Variants in EHHADH observed in about 807,000 individuals in gnomAD.
The protein encoded by EHHADH is enoyl-CoA hydratase and 3-hydroxyacyl CoA dehydrogenase.
Under a neutral mutation model 64.4 loss-of-function variants are expected in EHHADH, and 48 were observed. The observed-to-expected ratio is 0.75, with a 90% CI of 0.59 to 0.95. The LOEUF (loss-of-function observed/expected upper bound fraction) is 0.95. Ranked by LOEUF, EHHADH falls within the 40% of genes least tolerant of loss-of-function variation. The pLI is 0.00. For synonymous variants in EHHADH, 308 were observed against 326.7 expected (o/e 0.94, Z 0.62); for missense variants, 854 against 876.6 (o/e 0.97, Z 0.33).
At chr3:185,193,568 A>G in intron 6 of EHHADH, 81 bp from the exon 7 acceptor site, 1 of 1,471,544 alleles carries the variant, frequency 6.8e-7, no homozygotes, top group African/African-American at 1.4e-5. Context: ...TGGAAGGCTT[A>G]TGTGACAATG....
At chr3:185,251,788 G>A (rs1009309716) in intron 1 of EHHADH, among the ~76,000 whole-genome samples, 1 of 151,978 alleles carries the variant, frequency 6.6e-6, no homozygotes, top group Admixed American at 6.5e-5. Context: ...GGAACTCCTA[G>A]GATGTCCATT....
chr3:185,213,236 A>G (rs1180465522), intron 5 of EHHADH, among the ~76,000 whole-genome samples: 2 of 151,828 alleles, frequency 1.3e-5, no homozygotes, highest in Non-Finnish European at 2.9e-5. Context: ...CTGTATATCA[A>G]TGGTTCTCAA....
At chr3:185,243,823 C>T (rs141389728) in intron 2 of EHHADH, among the ~76,000 whole-genome samples, 44 of 152,206 alleles carry the variant, frequency 2.9e-4, no homozygotes, top group African/African-American at 7.5e-4. Context: ...GTGTATTTTG[C>T]GGTTATTGCA....
intron 5 of EHHADH, among the ~76,000 whole-genome samples, chr3:185,215,022 C>G (rs1380165550): frequency 6.6e-6 from 1 of 152,112 alleles, no homozygotes; most frequent in Non-Finnish European, 1.5e-5. Flanking sequence ...TACAAGCATT[C>G]TAATGAGAGC....
chr3:185,248,511 A>C lies in EHHADH; in HGVS notation c.81T>G (p.Thr27=). ...GTCCTTCTTTTATGTCACGGAGTAAAGTCGTACTAAAAGAAAACAAAATAC... is the reference window on the plus strand; with the variant it reads ...GTCCTTCTTTTATGTCACGGAGTAACGTCGTACTAAAAGAAAACAAAATAC... ...RNPPVNAIST[T]LLRDIKEGLQ... Residue 27 remains threonine (T), a synonymous_variant, in exon 2 of 7, where the codon ACT becomes ACG. Coordinates refer to ENST00000231887, the MANE Select transcript of EHHADH (RefSeq NM_001966.4). 6.2e-7 allele frequency: 1 copy of C among 1,606,342 alleles called. No individual in the cohort carries two copies. The highest frequency in any genetic ancestry group is 8.5e-7 in the Non-Finnish European group (1 of 1,175,006).
intron 3 of EHHADH, among the ~76,000 whole-genome samples, chr3:185,233,678 G>A (rs993179070): frequency 5.3e-5 from 8 of 152,046 alleles, no homozygotes; most frequent in East Asian, 1.9e-4. Context: ...ATGGAGACCC[G>A]CTCTGTCACC....
Position 185,192,184 on chromosome 3 carries a change from T to A in EHHADH, c.*42A>T, listed in dbSNP as rs1717888156. 6.4e-7 allele frequency: 1 copy of A among 1,564,370 alleles called. No individual in the cohort carries two copies. The highest frequency in any genetic ancestry group is 1.4e-5 in the African/African-American group (1 of 72,912). On this transcript the variant is annotated 3_prime_UTR_variant, in exon 7 of 7. Coordinates refer to ENST00000231887, the MANE Select transcript of EHHADH (RefSeq NM_001966.4). ...TAATTTCACTGAAATTCAGTCAGCA[T>A]TACCTGATGCTAGCATGTGAGGCAT...
In EHHADH at chr3:185,235,315, C is replaced by T. The variant is rs1246090775; in HGVS notation, c.326G>A (p.Cys109Tyr). 1 of 1,613,214 alleles carries T rather than the reference C, an allele frequency of 6.2e-7. No homozygotes were observed. The highest frequency in any genetic ancestry group is 1.1e-5 in the South Asian group (1 of 90,952). ...FGGGLELALG[C>Y]HYRIAHAEAQ... ...CTCTGCGTGGGCAATCCTATAGTGA[C>T]AGCCCAGGGCCAGCTCTAGTCCCCC... Residue 109 changes from cysteine (C) to tyrosine (Y), a missense_variant, in exon 3 of 7, where the codon TGT becomes TAT. By Grantham distance (194) the Cys-to-Tyr change is radical (BLOSUM62 -2). Transcript: ENST00000231887.
At chr3:185,207,270 A>G (rs1478466144) in intron 5 of EHHADH, among the ~76,000 whole-genome samples, 5 of 151,264 alleles carry the variant, frequency 3.3e-5, no homozygotes, top group Non-Finnish European at 7.4e-5. Flanking sequence ...CCTGGGTGAC[A>G]GAGTGAGACC....
At position 185,210,212 on chromosome 3, in the gene EHHADH, T is replaced by A. The variant is rs115467092; in HGVS notation, c.569-5455A>T. Among the ~76,000 whole-genome samples the A allele has an allele frequency of 5.3e-3, 805 of 152,310 alleles. 10 individuals are homozygous for A. Among genetic ancestry groups the A allele is most frequent in the African/African-American group, 0.019 (775 of 41,572 alleles). On this transcript the variant is annotated intron_variant, in intron 5 of 6. Transcript: ENST00000231887. ...TGTGATACTACCTCTGTTCCCAGCA[T>A]TCCTGGGGGTGCTTCTCAACATCAT...
chr3:185,214,861 T>G (rs924209726), intron 5 of EHHADH, among the ~76,000 whole-genome samples: 6 of 152,210 alleles, frequency 3.9e-5, no homozygotes, highest in Admixed American at 3.3e-4. Context: ...TCTAAAAGCT[T>G]TAGTGAGTAT....
rs577273804 is a variant in EHHADH at position 185,206,975 on chromosome 3, A to T, written c.569-2218T>A. Among the ~76,000 whole-genome samples the T allele has an allele frequency of 6.9e-4, 105 of 151,652 alleles. 1 individual carries two copies. Among genetic ancestry groups the T allele is most frequent in the African/African-American group, 2.4e-3 (100 of 41,490 alleles). On this transcript the variant is annotated intron_variant, in intron 5 of 6. Transcript: ENST00000231887. ...ATGTATAACCTCACATGGTAAAGAGATGTATAGGTGAGAGTAAGATTAAAG... is the reference window on the plus strand; with the variant it reads ...ATGTATAACCTCACATGGTAAAGAGTTGTATAGGTGAGAGTAAGATTAAAG...
In EHHADH at chr3:185,216,427, T is replaced by C. The variant is rs182651549; in HGVS notation, c.568+1709A>G. ...TCATTTCGGGACCTCCAAATGCAAA[T>C]AGCCTTTGCTGTGTGTCTGTCAAGT... On this transcript the variant is annotated intron_variant, in intron 5 of 6. Coordinates refer to ENST00000231887, the MANE Select transcript of EHHADH (RefSeq NM_001966.4). This position sits in a 1 kb window ranked among gnomAD's most constrained non-coding sequence, Gnocchi z 5.3. 2.8e-3 allele frequency among the ~76,000 whole-genome samples: 419 copies of C among 152,302 alleles called. 8 individuals are homozygous for C. The highest frequency in any genetic ancestry group is 1.2e-3 in the Non-Finnish European group (83 of 68,026).
At chr3:185,215,453 C>T (rs1718656300) in intron 5 of EHHADH, among the ~76,000 whole-genome samples, 1 of 152,080 alleles carries the variant, frequency 6.6e-6, no homozygotes, top group Non-Finnish European at 1.5e-5. Context: ...TCTAAAAAAA[C>T]CATAAAAGTA....
intron 3 of EHHADH, among the ~76,000 whole-genome samples, chr3:185,230,291 C>T (rs9290812): frequency 0.66 from 100,237 of 152,066 alleles, 35,286 homozygotes; most frequent in Non-Finnish European, 0.79. Flanking sequence ...ATAGAGTTAC[C>T]ATATGACCCA....
chr3:185,229,299 A>T (rs1719089485), intron 4 of EHHADH, 133 bp downstream of exon 4: 1 of 429,674 alleles, frequency 2.3e-6, no homozygotes, highest in African/African-American at 2.0e-5. Context: ...CAGATCAGAA[A>T]ATCGAGAGGC....
intron 4 of EHHADH, among the ~76,000 whole-genome samples, chr3:185,224,366 T>C (rs1718915654): frequency 1.3e-5 from 2 of 151,156 alleles, no homozygotes; most frequent in South Asian, 2.1e-4. Context: ...CCGGGTGTGG[T>C]GGCACGTGCC....
chr3:185,206,504 A>G (rs2108630958), intron 5 of EHHADH, among the ~76,000 whole-genome samples: 1 of 152,262 alleles, frequency 6.6e-6, no homozygotes, highest in East Asian at 1.9e-4. Flanking sequence ...AAAATTAAAG[A>G]CTTTTGTTCT....
intron 4 of EHHADH, chr3:185,226,731 G>A (rs1041956248): frequency 6.6e-6 from 1 of 151,584 alleles, no homozygotes; most frequent in East Asian, 1.9e-4. Context: ...TCTTGACTCC[G>A]ATCTCATGAC....
Sources: gnomAD v4.1 joint callset for allele counts (sites outside exome capture counted in the v4.1 genomes callset) on GRCh38, gnomAD v4.1.1 for gene constraint, Gnocchi (gnomAD v3.1) non-coding constraint, MANE v1.5 for transcripts, NCBI Gene and HGNC (gene_info 2026-07-23, HGNC 2026-07-21) for gene names.